CNTN1: variants seen among roughly 807,000 people sequenced by gnomAD.
The protein encoded by CNTN1 is contactin-1.
A neutral mutation model predicts 126.4 loss-of-function variants in CNTN1; 38 were observed. The ratio of observed to expected loss-of-function variants is 0.30; its 90% confidence interval spans 0.23 to 0.39. The LOEUF (loss-of-function observed/expected upper bound fraction) is 0.39, where lower values mean the gene tolerates loss of function less well. Ranked by LOEUF, CNTN1 falls within the 10% of genes least tolerant of loss-of-function variation. The pLI, the probability that CNTN1 is intolerant of heterozygous loss-of-function variation, is 1.00. For synonymous variants in CNTN1, 413 were observed against 422.6 expected (o/e 0.98, Z 0.28); for missense variants, 1,009 against 1,248.4 (o/e 0.81, Z 2.89).
chr12:40,968,481 C>T (rs970359083), intron 15 of CNTN1, among the ~76,000 whole-genome samples: 1 of 151,754 alleles, frequency 6.6e-6, no homozygotes, highest in African/African-American at 2.4e-5. Flanking sequence ...GGCTTGAAAG[C>T]TTGATTTTAT....
intron 5 of CNTN1, among the ~76,000 whole-genome samples, chr12:40,922,820 A>G (rs1945495241): frequency 6.6e-6 from 1 of 151,858 alleles, no homozygotes. Flanking sequence ...AAAATACAAA[A>G]ATTAGCTGGG....
chr12:40,921,970 T>A (rs547965160), intron 4 of CNTN1, among the ~76,000 whole-genome samples: 1 of 152,280 alleles, frequency 6.6e-6, no homozygotes, highest in East Asian at 1.9e-4. Flanking sequence ...GAAATCAATT[T>A]ATGGAGAAAA....
intron 12 of CNTN1, among the ~76,000 whole-genome samples, chr12:40,941,259 G>A (rs576659837): frequency 7.9e-5 from 12 of 152,140 alleles, no homozygotes; most frequent in African/African-American, 2.9e-4. Flanking sequence ...CTATCTCAGT[G>A]TAAATACTAT....
chr12:40,779,670 A>G (rs1005170538), intron 1 of CNTN1, among the ~76,000 whole-genome samples: 4 of 151,934 alleles, frequency 2.6e-5, no homozygotes, highest in Non-Finnish European at 4.4e-5. Context: ...TATTGACTGT[A>G]AAACAGTTAA....
chr12:41,047,439 A>G (rs1236377487), intron 23 of CNTN1, among the ~76,000 whole-genome samples: 4 of 151,976 alleles, frequency 2.6e-5, no homozygotes, highest in Non-Finnish European at 4.4e-5. Context: ...AGTCTATTCA[A>G]AAGTGGTGGT....
Position 41,028,944 on chromosome 12 carries a change from T to C in CNTN1, c.2824-119T>C, listed in dbSNP as rs560910403. On this transcript the variant is annotated intron_variant, in intron 22 of 23. Coordinates refer to ENST00000551295, the MANE Select transcript of CNTN1 (RefSeq NM_001843.4). ...GTTTTAAATTTAGTTTTTCCTCTTG[T>C]TTTAAATTTATTACTTTTTGTTAAT... 2.2e-5 allele frequency: 22 copies of C among 999,298 alleles called. No homozygotes were observed. In the Admixed American group the frequency reaches 2.7e-4, roughly 12 times the overall value. The allele number at this position is 999,298 out of a possible 1,614,324, so 61.9% of individuals were successfully genotyped here.
At chr12:41,044,095 T>C (rs1464527295) in intron 23 of CNTN1, among the ~76,000 whole-genome samples, 5 of 150,258 alleles carry the variant, frequency 3.3e-5, no homozygotes, top group African/African-American at 1.2e-4. Context: ...CACATGTATA[T>C]ATATGTAACT....
At chr12:41,028,965 T>A in intron 22 of CNTN1, 98 bp from the exon 23 acceptor site, 3 of 1,155,542 alleles carry the variant, frequency 2.6e-6, no homozygotes, top group Non-Finnish European at 3.9e-6. Context: ...TTACTTTTTG[T>A]TAATCAAAGT....
intron 23 of CNTN1, among the ~76,000 whole-genome samples, chr12:41,033,930 G>A (rs992837024): frequency 3.3e-5 from 5 of 151,406 alleles, no homozygotes; most frequent in South Asian, 4.2e-4. Flanking sequence ...GGCACCTGTA[G>A]TCCCACCTAC....
chr12:40,949,969 T>C (rs1487983838), intron 14 of CNTN1, among the ~76,000 whole-genome samples: 1 of 152,044 alleles, frequency 6.6e-6, no homozygotes, highest in Non-Finnish European at 1.5e-5. Flanking sequence ...AAGAATCAGA[T>C]TCGAGCCGAA....
chr12:41,048,321 CT>C (rs1343369627), intron 23 of CNTN1, among the ~76,000 whole-genome samples: 1 of 152,148 alleles, frequency 6.6e-6, no homozygotes, highest in Non-Finnish European at 1.5e-5. Flanking sequence ...TTCACACCTT[CT>C]TTTTTTCTTT....
intron 1 of CNTN1, among the ~76,000 whole-genome samples, chr12:40,797,124 C>T (rs922522480): frequency 1.3e-5 from 2 of 151,812 alleles, no homozygotes; most frequent in African/African-American, 2.4e-5. Context: ...CCCTATGTGC[C>T]CAATACAGTG....
At chr12:40,952,632 C>T (rs1010723413) in intron 14 of CNTN1, among the ~76,000 whole-genome samples, 3 of 151,954 alleles carry the variant, frequency 2.0e-5, no homozygotes, top group African/African-American at 7.2e-5. Context: ...TAGTACGTAT[C>T]TCATAGGCTT....
At chr12:40,808,174 A>C (rs1940929382) in intron 1 of CNTN1, among the ~76,000 whole-genome samples, 1 of 152,190 alleles carries the variant, frequency 6.6e-6, no homozygotes, top group African/African-American at 2.4e-5. Context: ...CTGGAACATT[A>C]GTTAAAATTT....
At chr12:40,801,333 C>T (rs7300813) in intron 1 of CNTN1, among the ~76,000 whole-genome samples, 22,605 of 151,732 alleles carry the variant, frequency 0.15, 2,419 homozygotes, top group African/African-American at 0.31. Flanking sequence ...AAACACCAGG[C>T]CTCTGATAAA....
At position 41,065,683 on chromosome 12, in the gene CNTN1, T is replaced by C. The variant is rs550399874; in HGVS notation, c.2981-4276T>C. 4.6e-5 allele frequency among the ~76,000 whole-genome samples: 7 copies of C among 152,196 alleles called. No individual in the cohort carries two copies. In the South Asian group the frequency reaches 1.2e-3, roughly 27 times the overall value. ...TCATGAGGGGAGTGCAGTCCAGCAA[T>C]TGGGTATTCCCACTAATAGGTGGGA... On this transcript the variant is annotated intron_variant, in intron 23 of 23. Coordinates refer to ENST00000551295, the MANE Select transcript of CNTN1 (RefSeq NM_001843.4).
At chr12:40,932,534 AT>A (rs964434051) in intron 7 of CNTN1, among the ~76,000 whole-genome samples, 1 of 151,880 alleles carries the variant, frequency 6.6e-6, no homozygotes, top group African/African-American at 2.4e-5. Flanking sequence ...TCAAAATATT[AT>A]TTTTTCAGTC....
At chr12:41,037,390 T>C (rs1276713746) in intron 23 of CNTN1, among the ~76,000 whole-genome samples, 1 of 152,082 alleles carries the variant, frequency 6.6e-6, no homozygotes, top group Admixed American at 6.6e-5. Flanking sequence ...TGTATGTATA[T>C]ATATATACAA....
At chr12:40,843,328 G>A (rs1310629882) in intron 1 of CNTN1, among the ~76,000 whole-genome samples, 1 of 152,136 alleles carries the variant, frequency 6.6e-6, no homozygotes, top group Non-Finnish European at 1.5e-5. Context: ...AACTTGAACA[G>A]ATATTCTGTT....
Sources: gnomAD v4.1 joint callset for allele counts (sites outside exome capture counted in the v4.1 genomes callset) on GRCh38, gnomAD v4.1.1 for gene constraint, MANE v1.5 for transcripts, NCBI Gene and HGNC (gene_info 2026-07-23, HGNC 2026-07-21) for gene names.